ENTREP2: variants seen among roughly 807,000 people sequenced by gnomAD.
ENTREP2 encodes the protein endosomal transmembrane epsin interactor 2.
chr15:29,557,355 A>G, the ENTREP2 span, among the ~76,000 whole-genome samples: 4 of 152,214 alleles, frequency 2.6e-5, no homozygotes, highest in Non-Finnish European at 4.4e-5. Flanking sequence ...CTGACAGCCC[A>G]AAGCGCAGAT....
chr15:29,211,655 T>C, the ENTREP2 span, among the ~76,000 whole-genome samples: 2 of 152,234 alleles, frequency 1.3e-5, no homozygotes, highest in African/African-American at 4.8e-5. Flanking sequence ...ATGTCCTTTG[T>C]ATCCCGATTT....
the ENTREP2 span, among the ~76,000 whole-genome samples, chr15:29,130,930 G>C: frequency 6.6e-6 from 1 of 152,228 alleles, no homozygotes; most frequent in Non-Finnish European, 1.5e-5. Context: ...CATAAACACA[G>C]CTCCTTACAG....
At chr15:29,570,406 A>G in the ENTREP2 span, 1 of 712,570 alleles carries the variant, frequency 1.4e-6, no homozygotes, top group Non-Finnish European at 1.9e-6. Context: ...TGGCCGCCGG[A>G]ACTTGCCGCC....
chr15:29,230,707 G>A, the ENTREP2 span, among the ~76,000 whole-genome samples: 2 of 152,094 alleles, frequency 1.3e-5, no homozygotes, highest in African/African-American at 4.8e-5. Flanking sequence ...GAAAGGGAAA[G>A]GAGATTAGAG....
chr15:29,378,095 G>A, the ENTREP2 span, among the ~76,000 whole-genome samples: 1 of 151,984 alleles, frequency 6.6e-6, no homozygotes, highest in African/African-American at 2.4e-5. Context: ...AACAAAGGAG[G>A]ATTTGGGAGT....
the ENTREP2 span, among the ~76,000 whole-genome samples, chr15:29,224,308 G>A: frequency 2.6e-5 from 4 of 152,108 alleles, no homozygotes; most frequent in Admixed American, 2.0e-4. Flanking sequence ...GGTGATAAAG[G>A]CAGTTTGGAC....
At chr15:29,571,009 C>T in the ENTREP2 span, among the ~76,000 whole-genome samples, 1 of 145,620 alleles carries the variant, frequency 6.9e-6, no homozygotes, top group Non-Finnish European at 1.5e-5. Context: ...CTCCCCGGCC[C>T]GAGCGCGGGC....
At chr15:29,674,250 A>G in the ENTREP2 span, among the ~76,000 whole-genome samples, 1 of 151,156 alleles carries the variant, frequency 6.6e-6, no homozygotes, top group African/African-American at 2.4e-5. Flanking sequence ...CTGCTGCCTG[A>G]TGGGCAGAGT....
At chr15:29,528,452 T>C in the ENTREP2 span, among the ~76,000 whole-genome samples, 1 of 152,218 alleles carries the variant, frequency 6.6e-6, no homozygotes, top group African/African-American at 2.4e-5. Context: ...CAGCCGCTAG[T>C]ACCCAAGTGA....
chr15:29,482,557 T>C, the ENTREP2 span, among the ~76,000 whole-genome samples: 1 of 152,244 alleles, frequency 6.6e-6, no homozygotes, highest in African/African-American at 2.4e-5. Context: ...ACAGTCTTGC[T>C]TTATCTGGAA....
chr15:29,552,550 A>G, the ENTREP2 span, among the ~76,000 whole-genome samples: 2 of 152,136 alleles, frequency 1.3e-5, no homozygotes, highest in Non-Finnish European at 2.9e-5. Flanking sequence ...CCTGGGCAAC[A>G]TAACAAGACC....
the ENTREP2 span, among the ~76,000 whole-genome samples, chr15:29,407,679 GGT>G: frequency 1.4e-5 from 2 of 147,954 alleles, no homozygotes; most frequent in East Asian, 4.4e-4. Flanking sequence ...CATTTTTTTG[GGT>G]TGGGGGGAGC....
chr15:29,215,476 A>G, the ENTREP2 span, among the ~76,000 whole-genome samples: 7 of 151,972 alleles, frequency 4.6e-5, no homozygotes, highest in African/African-American at 4.8e-5. Flanking sequence ...CAAGTTCTTC[A>G]GTTTTGGAAC....
the ENTREP2 span, among the ~76,000 whole-genome samples, chr15:29,171,897 C>A: frequency 5.2e-3 from 798 of 152,310 alleles, 11 homozygotes; most frequent in African/African-American, 0.018. Context: ...CATCTATAAT[C>A]CTGAACGGTA....
chr15:29,642,697 C>G, the ENTREP2 span, among the ~76,000 whole-genome samples: 1 of 151,936 alleles, frequency 6.6e-6, no homozygotes, highest in South Asian at 2.1e-4. Flanking sequence ...ACTGCAACCT[C>G]TGCCTCCCAG....
At chr15:29,360,456 T>G in the ENTREP2 span, among the ~76,000 whole-genome samples, 7 of 152,190 alleles carry the variant, frequency 4.6e-5, no homozygotes, top group African/African-American at 1.7e-4. Flanking sequence ...AAGAACAGAC[T>G]GAACACGAGA....
chr15:29,242,392 A>C, the ENTREP2 span, among the ~76,000 whole-genome samples: 7,417 of 152,214 alleles, frequency 0.049, 638 homozygotes, highest in African/African-American at 0.17. Flanking sequence ...AAATTAAAAA[A>C]CGTGTATATT....
the ENTREP2 span, among the ~76,000 whole-genome samples, chr15:29,506,860 T>C: frequency 2.6e-5 from 4 of 152,014 alleles, no homozygotes; most frequent in Admixed American, 2.0e-4. Flanking sequence ...ATGGGCAAAA[T>C]AACCAGCTAG....
the ENTREP2 span, among the ~76,000 whole-genome samples, chr15:29,190,947 T>C: frequency 1.7e-4 from 26 of 152,288 alleles, no homozygotes; most frequent in East Asian, 4.6e-3. Context: ...GTCAAGAACA[T>C]TTTGCAGGTG....
Sources: gnomAD v4.1 joint callset for allele counts (sites outside exome capture counted in the v4.1 genomes callset) on GRCh38, gnomAD v4.1.1 for gene constraint, MANE v1.5 for transcripts, NCBI Gene and HGNC (gene_info 2026-07-23, HGNC 2026-07-21) for gene names.